The following ADD1 variants were observed in gnomAD, a reference collection of about 807,000 sequenced individuals.
The protein encoded by ADD1 is adducin 1.
A neutral mutation model predicts 80.5 loss-of-function variants in ADD1; 24 were observed. That is an observed-to-expected ratio of 0.30 (90% CI 0.22 to 0.42). The LOEUF (loss-of-function observed/expected upper bound fraction) is 0.42. ADD1 is among the 10% of genes least tolerant of loss of function. The pLI is 1.00. For synonymous variants in ADD1, 373 were observed against 393.8 expected (o/e 0.95, Z 0.63); for missense variants, 948 against 1,019.0 (o/e 0.93, Z 0.95).
intron 10 of ADD1, 153 bp from the exon 11 acceptor site, chr4:2,907,590 C>T (rs34748684): frequency 4.4e-6 from 3 of 678,402 alleles, no homozygotes; most frequent in Non-Finnish European, 8.0e-6. Flanking sequence ...CATGGCGACT[C>T]TGCTGAGTGA....
intron 1 of ADD1, among the ~76,000 whole-genome samples, chr4:2,856,336 C>T (rs1459807419): frequency 6.6e-6 from 1 of 152,170 alleles, no homozygotes; most frequent in South Asian, 2.1e-4. Context: ...GTTTGTTATT[C>T]CCTTGTAGGT....
intron 1 of ADD1, among the ~76,000 whole-genome samples, chr4:2,864,803 G>A (rs980846620): frequency 4.6e-5 from 7 of 152,248 alleles, no homozygotes; most frequent in Non-Finnish European, 7.4e-5. Flanking sequence ...TTTTATTCAC[G>A]TTCTTAATGG....
chr4:2,877,971 A>G (rs1426226845), intron 2 of ADD1, among the ~76,000 whole-genome samples: 1 of 152,134 alleles, frequency 6.6e-6, no homozygotes, highest in East Asian at 1.9e-4. Flanking sequence ...TGTCTCCAAA[A>G]AAAAAGGAGA....
intron 14 of ADD1, among the ~76,000 whole-genome samples, chr4:2,925,120 G>A (rs1361428498): frequency 1.3e-5 from 2 of 152,198 alleles, no homozygotes; most frequent in South Asian, 2.1e-4. Context: ...GGGAGAATGT[G>A]CCACAGGTAA....
chr4:2,859,625 A>G (rs1159721366), intron 1 of ADD1, among the ~76,000 whole-genome samples: 1 of 152,266 alleles, frequency 6.6e-6, no homozygotes, highest in African/African-American at 2.4e-5. Context: ...ACCAAAGCAG[A>G]CATTTCCCAT....
intron 1 of ADD1, among the ~76,000 whole-genome samples, chr4:2,845,436 C>G (rs1031170261): frequency 6.6e-6 from 1 of 152,174 alleles, no homozygotes; most frequent in Non-Finnish European, 1.5e-5. Flanking sequence ...GTAAAGTTGT[C>G]TTTTCAGGAA....
chr4:2,910,408 C>T (rs1737830935), intron 13 of ADD1, among the ~76,000 whole-genome samples: 2 of 152,084 alleles, frequency 1.3e-5, no homozygotes, highest in South Asian at 4.1e-4. Flanking sequence ...TTATTAATTC[C>T]ACAGGTCCTG....
At chr4:2,906,301 T>C (rs1289853672) in intron 10 of ADD1, among the ~76,000 whole-genome samples, 1 of 152,114 alleles carries the variant, frequency 6.6e-6, no homozygotes, top group African/African-American at 2.4e-5. Flanking sequence ...GCCCTCCTTG[T>C]CTTCTTTCCC....
intron 1 of ADD1, among the ~76,000 whole-genome samples, chr4:2,871,917 A>G (rs1439679566): frequency 6.6e-6 from 1 of 152,218 alleles, no homozygotes; most frequent in Non-Finnish European, 1.5e-5. Flanking sequence ...AGTTTGTTTC[A>G]ATCAGGATCC....
rs141736730 is a variant in ADD1 at position 2,919,116 on chromosome 4, G to A, written c.1948+4076G>A. 7.5e-3 allele frequency among the ~76,000 whole-genome samples: 1,148 copies of A among 152,240 alleles called. 23 individuals are homozygous for A. Among genetic ancestry groups the A allele is most frequent in the African/African-American group, 0.026 (1,094 of 41,536 alleles). On this transcript the variant is annotated intron_variant, in intron 14 of 15. Transcript: ENST00000683351. Reference sequence around the variant, plus strand: ...AGCCTCCCAAACTACTGGGATTACAGGTGTGAGCCACCGCACCTGGTTGAT... The same window carrying A: ...AGCCTCCCAAACTACTGGGATTACAAGTGTGAGCCACCGCACCTGGTTGAT...
At chr4:2,873,017 G>A (rs921863402) in intron 1 of ADD1, among the ~76,000 whole-genome samples, 5 of 150,582 alleles carry the variant, frequency 3.3e-5, no homozygotes, top group African/African-American at 7.4e-5. Flanking sequence ...TTTTTAAGAC[G>A]GAGTCTTACT....
chr4:2,864,479 A>G (rs1729257008), intron 1 of ADD1, among the ~76,000 whole-genome samples: 1 of 152,128 alleles, frequency 6.6e-6, no homozygotes, highest in South Asian at 2.1e-4. Flanking sequence ...CTTTAAACAA[A>G]TGTTTTGTAT....
intron 4 of ADD1, 63 bp from the exon 5 acceptor site, chr4:2,893,950 C>T (rs1399118615): frequency 6.9e-7 from 1 of 1,458,798 alleles, no homozygotes; most frequent in African/African-American, 1.4e-5. Context: ...GAATTTGTAG[C>T]CTGAAAGAGA....
intron 1 of ADD1, among the ~76,000 whole-genome samples, chr4:2,870,432 C>T (rs1161870614): frequency 6.6e-6 from 1 of 152,046 alleles, no homozygotes; most frequent in Non-Finnish European, 1.5e-5. Context: ...TCTTCAATGC[C>T]ATTTAGCAAA....
chr4:2,898,436 C>G lies in ADD1; in HGVS notation c.889C>G (p.Leu297Val). 1 of 1,614,216 alleles carries G rather than the reference C, an allele frequency of 6.2e-7. No homozygotes were observed. Among genetic ancestry groups the G allele is most frequent in the Non-Finnish European group, 8.5e-7 (1 of 1,180,022 alleles). Reference protein sequence around the residue: ...QKNLGPKSKVLILRNHGLVSV... With the variant: ...QKNLGPKSKVVILRNHGLVSV... ...GAGCATTCATGCTTCCCCTCAGGTTCTTATTCTCCGGAACCATGGGCTCGT... is the reference window on the plus strand; with the variant it reads ...GAGCATTCATGCTTCCCCTCAGGTTGTTATTCTCCGGAACCATGGGCTCGT... The change falls in exon 8 of 16, where the codon CTT (leucine) becomes GTT (valine). Residue 297 changes from leucine (L) to valine (V), a missense_variant. Transcript: ENST00000683351.
chr4:2,869,140 G>A (rs1037102022), intron 1 of ADD1, among the ~76,000 whole-genome samples: 6 of 152,100 alleles, frequency 3.9e-5, no homozygotes, highest in Admixed American at 1.3e-4. Flanking sequence ...TTTCCTGACA[G>A]CCCCTCTCTA....
chr4:2,882,854 GT>G lies in ADD1; in HGVS notation c.358+803del, dbSNP rs869057727. ...CTAGGAAAGTTTTCATGTGGATTCC[GT>G]TTTTTTTTGTTGTTGTTGTTTTTGA... On this transcript the variant is annotated intron_variant, in intron 3 of 15. Coordinates refer to ENST00000683351, the MANE Select transcript of ADD1 (RefSeq NM_001354761.2). Among the ~76,000 whole-genome samples the G allele has an allele frequency of 1.1e-3, 165 of 151,094 alleles. 1 individual carries two copies. Among genetic ancestry groups the G allele is most frequent in the Admixed American group, 3.6e-3 (54 of 15,156 alleles).
Position 2,898,460 on chromosome 4 carries a change from G to T in ADD1, c.913G>T (p.Val305Leu), listed in dbSNP as rs147521356. The T allele has an allele frequency of 1.9e-6, 3 of 1,614,202 alleles. No homozygotes were observed. The highest frequency in any genetic ancestry group is 2.5e-6 in the Non-Finnish European group (3 of 1,180,050). ...TCTTATTCTCCGGAACCATGGGCTC[G>T]TGTCAGTTGGAGAGAGCGTTGAGGA... ...KVLILRNHGL[V>L]SVGESVEEAF... Residue 305 changes from valine to leucine, a missense_variant, in exon 8 of 16, where the codon GTG becomes TTG. Physicochemically the swap from Val to Leu is conservative, Grantham distance 32. Coordinates refer to ENST00000683351, the MANE Select transcript of ADD1 (RefSeq NM_001354761.2).
At chr4:2,923,764 C>T (rs1740499435) in intron 14 of ADD1, among the ~76,000 whole-genome samples, 1 of 152,264 alleles carries the variant, frequency 6.6e-6, no homozygotes, top group African/African-American at 2.4e-5. Flanking sequence ...ATCTCATTCT[C>T]AAAGTAACCC....
Sources: gnomAD v4.1 joint callset for allele counts (sites outside exome capture counted in the v4.1 genomes callset) on GRCh38, gnomAD v4.1.1 for gene constraint, MANE v1.5 for transcripts, NCBI Gene and HGNC (gene_info 2026-07-23, HGNC 2026-07-21) for gene names.